Variants in NTM observed in about 807,000 individuals in gnomAD.
NTM encodes the protein neurotrimin, also known as IgLON family member 2.
In NTM, 13 loss-of-function variants were observed where a neutral mutation model predicts 42.1. The ratio of observed to expected loss-of-function variants is 0.31; its 90% CI spans 0.20 to 0.49. NTM has a LOEUF of 0.49. Among genes scored for constraint, NTM ranks in the 20% least tolerant of loss-of-function variants. NTM has a pLI of 0.99. For synonymous variants in NTM, 187 were observed against 179.2 expected (o/e 1.04, Z -0.35); for missense variants, 373 against 452.8 (o/e 0.82, Z 1.60).
At chr11:132,326,825 A>G (rs1182280354) in intron 7 of NTM, among the ~76,000 whole-genome samples, 1 of 152,188 alleles carries the variant, frequency 6.6e-6, no homozygotes, top group African/African-American at 2.4e-5. Flanking sequence ...CTTCGATACA[A>G]TAGAGAGCTA....
At chr11:131,402,704 A>AT (rs1945379975) in intron 1 of NTM, among the ~76,000 whole-genome samples, 2 of 152,236 alleles carry the variant, frequency 1.3e-5, no homozygotes, top group African/African-American at 4.8e-5. Context: ...CTTAAAGCAT[A>AT]TAATCCAGAA....
intron 6 of NTM, among the ~76,000 whole-genome samples, chr11:132,311,559 TTC>T (rs2095281340): frequency 6.6e-6 from 1 of 152,170 alleles, no homozygotes. Flanking sequence ...TACTTAGAAA[TTC>T]TGTTTCACTT....
intron 1 of NTM, among the ~76,000 whole-genome samples, chr11:131,840,868 C>T (rs1010370367): frequency 6.6e-5 from 10 of 152,002 alleles, no homozygotes; most frequent in South Asian, 2.1e-4. Context: ...GTGAGGCCAT[C>T]GGGCAAATCT....
chr11:131,881,629 A>G (rs2049539554), intron 1 of NTM, among the ~76,000 whole-genome samples: 1 of 152,096 alleles, frequency 6.6e-6, no homozygotes, highest in Admixed American at 6.6e-5. Context: ...CTCCACTAAG[A>G]AAAGCTGAAA....
At chr11:131,842,526 C>G (rs1300485258) in intron 1 of NTM, among the ~76,000 whole-genome samples, 1 of 151,782 alleles carries the variant, frequency 6.6e-6, no homozygotes, top group African/African-American at 2.4e-5. Flanking sequence ...CACAAATCTG[C>G]TGACTCCTGA....
chr11:131,777,128 TTA>T, intron 1 of NTM: 1 of 856,490 alleles, frequency 1.2e-6, no homozygotes, highest in Non-Finnish European at 1.4e-6. Context: ...CTCAGTGTAT[TTA>T]TATATATTGC....
intron 2 of NTM, among the ~76,000 whole-genome samples, chr11:132,142,788 T>C (rs1389777229): frequency 1.3e-5 from 2 of 152,200 alleles, no homozygotes; most frequent in Non-Finnish European, 2.9e-5. Context: ...TGCTGGAAAT[T>C]GGCTGCGTTC....
chr11:132,195,143 A>G (rs1189208646), intron 3 of NTM, among the ~76,000 whole-genome samples: 1 of 152,048 alleles, frequency 6.6e-6, no homozygotes, highest in Admixed American at 6.6e-5. Context: ...GCATTTCTCT[A>G]CACCAATAAC....
intron 2 of NTM, among the ~76,000 whole-genome samples, chr11:132,119,994 G>A (rs917063195): frequency 6.6e-6 from 1 of 152,138 alleles, no homozygotes; most frequent in Non-Finnish European, 1.5e-5. Flanking sequence ...CTAGAGAGAA[G>A]GGAAATTGAC....
intron 1 of NTM, among the ~76,000 whole-genome samples, chr11:131,487,587 GA>G (rs1450245273): frequency 1.3e-5 from 2 of 152,150 alleles, no homozygotes; most frequent in African/African-American, 4.8e-5. Flanking sequence ...GGTAACAATA[GA>G]AAACAGAATT....
At chr11:132,243,591 C>T (rs1275222695) in intron 4 of NTM, among the ~76,000 whole-genome samples, 1 of 152,138 alleles carries the variant, frequency 6.6e-6, no homozygotes, top group Non-Finnish European at 1.5e-5. Flanking sequence ...CATCCTTAGC[C>T]CATGCCTGGA....
intron 1 of NTM, among the ~76,000 whole-genome samples, chr11:131,469,763 C>T (rs1038225938): frequency 6.6e-6 from 1 of 152,188 alleles, no homozygotes; most frequent in Non-Finnish European, 1.5e-5. Context: ...ACCTCCCTCA[C>T]TGGAATGATT....
rs548871204 is a variant in NTM at position 131,894,844 on chromosome 11, C to T, written c.83-16720C>T. On this transcript the variant is annotated intron_variant, in intron 1 of 8. Coordinates refer to ENST00000683400, the MANE Select transcript of NTM (RefSeq NM_001352005.2). ...ATGATTGGTGTCAGGAATGAATCTTCCTTTCTCTGTCAGCCTTGCTTCACA... is the reference window on the plus strand; with the variant it reads ...ATGATTGGTGTCAGGAATGAATCTTTCTTTCTCTGTCAGCCTTGCTTCACA... Among the ~76,000 whole-genome samples the T allele has an allele frequency of 4.5e-4, 68 of 152,282 alleles. 1 individual carries two copies. Among genetic ancestry groups the T allele is most frequent in the African/African-American group, 1.6e-3 (66 of 41,556 alleles).
intron 1 of NTM, among the ~76,000 whole-genome samples, chr11:131,775,845 G>A (rs1280389753): frequency 6.6e-6 from 1 of 152,200 alleles, no homozygotes. Context: ...GGTAATGTGA[G>A]ATTAATGTGG....
At chr11:131,829,007 T>C (rs1467979904) in intron 1 of NTM, among the ~76,000 whole-genome samples, 1 of 151,940 alleles carries the variant, frequency 6.6e-6, no homozygotes, top group Non-Finnish European at 1.5e-5. Context: ...TCTGCCTCCC[T>C]CTCTCTCACA....
chr11:132,198,204 T>C (rs1171976068), intron 3 of NTM, among the ~76,000 whole-genome samples: 2 of 152,184 alleles, frequency 1.3e-5, no homozygotes, highest in East Asian at 1.9e-4. Flanking sequence ...TGTTTATACA[T>C]TTATTACTTA....
chr11:132,084,521 G>A (rs1422146655), intron 2 of NTM, among the ~76,000 whole-genome samples: 2 of 152,172 alleles, frequency 1.3e-5, no homozygotes, highest in East Asian at 3.9e-4. Flanking sequence ...CCAAAAGAGA[G>A]AGTTCAAGAA....
intron 3 of NTM, among the ~76,000 whole-genome samples, chr11:132,194,804 G>GC (rs1298859909): frequency 6.9e-6 from 1 of 145,032 alleles, no homozygotes; most frequent in Non-Finnish European, 1.5e-5. Flanking sequence ...CAAATCAGTA[G>GC]CATTTCTTCC....
intron 1 of NTM, among the ~76,000 whole-genome samples, chr11:131,870,061 C>T (rs1323303211): frequency 6.6e-6 from 1 of 152,208 alleles, no homozygotes; most frequent in Non-Finnish European, 1.5e-5. Context: ...CCCTCACCTT[C>T]AGGAGGTGAA....
Sources: allele counts gnomAD v4.1 joint callset (sites outside exome capture counted in the v4.1 genomes callset), GRCh38; gene constraint gnomAD v4.1.1; transcripts MANE v1.5; gene names NCBI Gene and HGNC (gene_info 2026-07-23, HGNC 2026-07-21).